The following CALCR variants were observed in gnomAD, a reference collection of about 807,000 sequenced individuals.
CALCR encodes calcitonin receptor.
CALCR carries 47 observed loss-of-function variants against 59.5 expected under a neutral mutation model. The observed-to-expected ratio is 0.79, with a 90% CI of 0.63 to 1.01. The LOEUF (loss-of-function observed/expected upper bound fraction) is 1.01. CALCR is among the 50% of genes least tolerant of loss of function. The pLI is 0.00. For missense variants in CALCR, 566 were observed against 597.1 expected (o/e 0.95, Z 0.54); for synonymous variants, 213 against 211.3 (o/e 1.01, Z -0.07).
At chr7:93,441,385 C>A (rs953052905) in intron 9 of CALCR, 2 of 351,052 alleles carry the variant, frequency 5.7e-6, no homozygotes, top group Admixed American at 7.6e-5. Context: ...TGATCAACAC[C>A]AATTATTATG....
At chr7:93,434,553 C>T (rs1026793823) in intron 12 of CALCR, among the ~76,000 whole-genome samples, 4 of 151,308 alleles carry the variant, frequency 2.6e-5, no homozygotes, top group Admixed American at 1.3e-4. Context: ...CTCCCTTTAA[C>T]ATGGAGATTT....
chr7:93,495,538 T>C (rs988138496), intron 2 of CALCR, among the ~76,000 whole-genome samples: 1 of 151,392 alleles, frequency 6.6e-6, no homozygotes, highest in African/African-American at 2.4e-5. Flanking sequence ...TTTCTGCTTC[T>C]CCCTTTATTA....
chr7:93,453,192 G>A (rs1049025472), intron 8 of CALCR, among the ~76,000 whole-genome samples: 6 of 152,036 alleles, frequency 3.9e-5, no homozygotes, highest in African/African-American at 1.4e-4. Context: ...AGCTAACAAC[G>A]ATAATACAAA....
intron 2 of CALCR, among the ~76,000 whole-genome samples, chr7:93,504,251 G>A (rs1036912495): frequency 7.2e-5 from 11 of 151,834 alleles, no homozygotes; most frequent in Non-Finnish European, 1.3e-4. Context: ...CCCCCAACAG[G>A]GAAAAAAACC....
intron 2 of CALCR, among the ~76,000 whole-genome samples, chr7:93,559,243 A>G (rs1789684064): frequency 1.3e-5 from 2 of 152,088 alleles, no homozygotes; most frequent in South Asian, 4.1e-4. Flanking sequence ...CACACACACA[A>G]ACCAGGCTGT....
At position 93,425,229 on chromosome 7, in the gene CALCR, T is replaced by C. The variant is rs978105690; in HGVS notation, c.*1127A>G. The C allele has an allele frequency of 1.3e-5, 2 of 152,546 alleles. No homozygotes were observed. The highest frequency in any genetic ancestry group is 4.8e-5 in the African/African-American group (2 of 41,446). The allele number at this position is 152,546 out of a possible 1,614,324, so 9.4% of individuals were successfully genotyped here. ...TGATTTATGGTTAAATTTGGAGCAG[T>C]TAATTTTTTCCCCTCCTGTTTTGGT... On this transcript the variant is annotated 3_prime_UTR_variant, in exon 14 of 14. Transcript: ENST00000426151.
intron 2 of CALCR, among the ~76,000 whole-genome samples, chr7:93,552,109 G>T (rs1239432145): frequency 6.6e-6 from 1 of 152,152 alleles, no homozygotes; most frequent in East Asian, 1.9e-4. Context: ...GCAGAGAAAA[G>T]CTTGAGTCAT....
intron 2 of CALCR, among the ~76,000 whole-genome samples, chr7:93,531,299 G>A (rs1319067980): frequency 6.6e-6 from 1 of 152,094 alleles, no homozygotes; most frequent in African/African-American, 2.4e-5. Context: ...TAGGCAATGG[G>A]GGAATGGAAA....
chr7:93,431,345 T>G (rs1206552813), intron 13 of CALCR, among the ~76,000 whole-genome samples: 2 of 152,190 alleles, frequency 1.3e-5, no homozygotes, highest in African/African-American at 4.8e-5. Context: ...TGGCACCATG[T>G]CCAACAGCGG....
At chr7:93,462,866 T>C (rs1002605094) in intron 7 of CALCR, among the ~76,000 whole-genome samples, 3 of 152,010 alleles carry the variant, frequency 2.0e-5, no homozygotes, top group South Asian at 4.1e-4. Context: ...TTAACACTTA[T>C]CACCTGCTGA....
At chr7:93,515,332 C>G (rs1283178891) in intron 2 of CALCR, among the ~76,000 whole-genome samples, 1 of 151,898 alleles carries the variant, frequency 6.6e-6, no homozygotes, top group African/African-American at 2.4e-5. Flanking sequence ...AACTCCTAGG[C>G]ATCATCAGTT....
intron 2 of CALCR, among the ~76,000 whole-genome samples, chr7:93,536,143 T>C (rs777849718): frequency 4.0e-5 from 6 of 151,778 alleles, no homozygotes; most frequent in Non-Finnish European, 8.9e-5. Context: ...CTGCTTCCAG[T>C]CATTGATTTT....
At chr7:93,490,607 C>T (rs180721103) in intron 2 of CALCR, among the ~76,000 whole-genome samples, 4 of 151,666 alleles carry the variant, frequency 2.6e-5, no homozygotes, top group East Asian at 3.9e-4. Flanking sequence ...TCCTTTAATC[C>T]AACAATAGAC....
At chr7:93,547,430 T>C (rs1360650691) in intron 2 of CALCR, among the ~76,000 whole-genome samples, 1 of 152,206 alleles carries the variant, frequency 6.6e-6, no homozygotes. Flanking sequence ...TTACTTAAAA[T>C]TTCCAATGCC....
At chr7:93,434,367 G>T in intron 12 of CALCR, 73 bp from the exon 13 acceptor site, 1 of 945,422 alleles carries the variant, frequency 1.1e-6, no homozygotes, top group South Asian at 1.4e-5. Context: ...CAATATAATA[G>T]ACTGCCCAGA....
intron 2 of CALCR, among the ~76,000 whole-genome samples, chr7:93,507,751 CAAA>C (rs562704303): frequency 7.7e-5 from 4 of 52,034 alleles, no homozygotes; most frequent in African/African-American, 1.1e-4. Context: ...ACTAAAAATA[CAAA>C]AAAAAAAAAA....
At chr7:93,514,688 G>T (rs1451469671) in intron 2 of CALCR, among the ~76,000 whole-genome samples, 1 of 151,942 alleles carries the variant, frequency 6.6e-6, no homozygotes, top group African/African-American at 2.4e-5. Flanking sequence ...AGAATGTTCT[G>T]ATTTGGGGTA....
intron 2 of CALCR, among the ~76,000 whole-genome samples, chr7:93,508,156 T>C (rs1163185223): frequency 6.6e-6 from 1 of 152,188 alleles, no homozygotes. Context: ...ATTTGGCATA[T>C]AGCCAAAGAA....
intron 5 of CALCR, 51 bp downstream of exon 5, chr7:93,477,507 A>G (rs773832438): frequency 7.7e-7 from 1 of 1,293,318 alleles, no homozygotes; most frequent in South Asian, 1.2e-5. Flanking sequence ...AAAACCATGA[A>G]AACTCTAAAA....
Sources: allele counts gnomAD v4.1 joint callset (sites outside exome capture counted in the v4.1 genomes callset), GRCh38; gene constraint gnomAD v4.1.1; transcripts MANE v1.5; gene names NCBI Gene and HGNC (gene_info 2026-07-23, HGNC 2026-07-21).